The following COL4A2 variants were observed in gnomAD, a reference collection of about 807,000 sequenced individuals.
COL4A2 encodes collagen alpha-2(IV) chain.
Under a neutral mutation model 200.2 loss-of-function variants are expected in COL4A2, and 99 were observed. The ratio of observed to expected loss-of-function variants is 0.49; its 90% CI spans 0.42 to 0.58. The LOEUF (loss-of-function observed/expected upper bound fraction) is 0.58. COL4A2 is among the 20% of genes least tolerant of loss of function. The pLI, the probability that COL4A2 is intolerant of heterozygous loss-of-function variation, is 0.00. For synonymous variants in COL4A2, 897 were observed against 900.6 expected, an observed-to-expected ratio of 1.00 and a Z score of 0.07; for missense variants, 1,950 against 2,314.1, an observed-to-expected ratio of 0.84 and a Z score of 3.23.
chr13:110,335,465 T>C (rs758809170), intron 3 of COL4A2, among the ~76,000 whole-genome samples: 16 of 152,180 alleles, frequency 1.1e-4, no homozygotes, highest in East Asian at 1.9e-4. Flanking sequence ...CTCTCTCTTG[T>C]CTGCCACCAT....
intron 4 of COL4A2, among the ~76,000 whole-genome samples, chr13:110,385,788 G>A (rs200592804): frequency 0.2 from 72 of 352 alleles, 7 homozygotes; most frequent in Admixed American, 0.39. Context: ...GGCCGTGGTT[G>A]CAGTGTGTGG....
At chr13:110,408,808 T>TAC (rs368680031) in intron 4 of COL4A2, among the ~76,000 whole-genome samples, 2,060 of 17,744 alleles carry the variant, frequency 0.12, 33 homozygotes, top group Middle Eastern at 0.23. Context: ...CGCACACATA[T>TAC]ATATACACAC....
At chr13:110,431,716 T>C (rs1880688037) in intron 10 of COL4A2, among the ~76,000 whole-genome samples, 1 of 152,186 alleles carries the variant, frequency 6.6e-6, no homozygotes, top group Non-Finnish European at 1.5e-5. Context: ...TTTTGGTTCT[T>C]CACATGAGCC....
At chr13:110,419,610 C>T (rs2139448452) in intron 4 of COL4A2, among the ~76,000 whole-genome samples, 1 of 152,314 alleles carries the variant, frequency 6.6e-6, no homozygotes, top group Non-Finnish European at 1.5e-5. Context: ...TGTCGGGACC[C>T]TGAGCGCATT....
chr13:110,307,900 C>T lies in COL4A2; in HGVS notation c.-4C>T, dbSNP rs1884836342. 2 of 1,612,294 alleles carry T rather than the reference C, an allele frequency of 1.2e-6. No individual in the cohort carries two copies. Among genetic ancestry groups the T allele is most frequent in the African/African-American group, 1.3e-5 (1 of 75,054 alleles). On this transcript the variant is annotated 5_prime_UTR_variant, in exon 2 of 48. Transcript: ENST00000360467. This position sits in a 1 kb window ranked among gnomAD's most constrained non-coding sequence, Gnocchi z 5.0. The stretch of plus-strand genomic sequence containing the variant: ...CCGGGGCCCAGAGTGGACGAACCGC[C>T]AGCATGGGGAGAGACCAGCGCGCGG...
chr13:110,457,361 A>G lies in COL4A2; in HGVS notation c.1358A>G (p.Lys453Arg). 6.2e-7 allele frequency: 1 copy of G among 1,613,022 alleles called. No individual in the cohort carries two copies. Among genetic ancestry groups the G allele is most frequent in the Non-Finnish European group, 8.5e-7 (1 of 1,179,142 alleles). Reference protein sequence around the residue: ...PGPDGFLFGLKGAKGRAGFPG... With the variant: ...PGPDGFLFGLRGAKGRAGFPG... ...TCTCTAGGCTTCCTGTTTGGGCTGA[A>G]AGGAGCAAAAGGAAGAGCAGGCTTC... The change falls in exon 21 of 48, where the codon AAA (lysine) becomes AGA (arginine). Residue 453 changes from lysine to arginine, a missense_variant. This residue lies in a region of COL4A2 where 1,385 missense variants were observed against 1,720.5 expected (regional missense o/e 0.80). Coordinates refer to ENST00000360467, the MANE Select transcript of COL4A2 (RefSeq NM_001846.4).
intron 10 of COL4A2, among the ~76,000 whole-genome samples, chr13:110,431,423 G>A (rs1474379981): frequency 1.3e-5 from 2 of 152,096 alleles, no homozygotes; most frequent in Non-Finnish European, 2.9e-5. Context: ...ATTCTCTTCA[G>A]ATTATAATAA....
At position 110,478,042 on chromosome 13, in the gene COL4A2, A is replaced by C; in HGVS notation, c.2465A>C (p.Gln822Pro). 1 of 1,592,504 alleles carries C rather than the reference A, an allele frequency of 6.3e-7. No individual in the cohort carries two copies. ...GMPGMPGLKG[Q>P]PGLPGPSGQP... ...CCTGGGATGCCAGGGCTGAAGGGCCAGCCAGGCCTCCCAGGACCTTCCGGC... is the reference window on the plus strand; with the variant it reads ...CCTGGGATGCCAGGGCTGAAGGGCCCGCCAGGCCTCCCAGGACCTTCCGGC... The change falls in exon 30 of 48, where the codon CAG (glutamine) becomes CCG (proline). Residue 822 changes from glutamine (Q) to proline (P), a missense_variant. By Grantham distance (76) the Gln-to-Pro change is moderately conservative. Coordinates refer to ENST00000360467, the MANE Select transcript of COL4A2 (RefSeq NM_001846.4).
At chr13:110,447,574 T>C (rs1003458149) in intron 18 of COL4A2, among the ~76,000 whole-genome samples, 5 of 152,092 alleles carry the variant, frequency 3.3e-5, no homozygotes, top group East Asian at 3.9e-4. Flanking sequence ...AAAAAAAAAA[T>C]GTTTCGAGAA....
Position 110,506,594 on chromosome 13 carries a change from A to C in COL4A2, c.4582A>C (p.Asn1528His). ...LYFEGQEKAHNQDLGLAGSCL... is the reference protein window; with the variant it reads ...LYFEGQEKAHHQDLGLAGSCL... ...CTTCGAGGGCCAGGAGAAGGCGCAC[A>C]ACCAGGACCTGGGTAGGTACCTCCC... Residue 1528 changes from asparagine (N) to histidine (H), a missense_variant, in exon 46 of 48, where the codon AAC (asparagine) becomes CAC (histidine). Transcript: ENST00000360467. 1 of 1,610,998 alleles carries C rather than the reference A, an allele frequency of 6.2e-7. No individual in the cohort carries two copies. Among genetic ancestry groups the C allele is most frequent in the Non-Finnish European group, 8.5e-7 (1 of 1,178,528 alleles).
At chr13:110,405,205 A>C (rs1879517540) in intron 4 of COL4A2, among the ~76,000 whole-genome samples, 1 of 152,232 alleles carries the variant, frequency 6.6e-6, no homozygotes, top group Non-Finnish European at 1.5e-5. Flanking sequence ...GGCTACAGAG[A>C]AACGTTTTAG....
In COL4A2 at chr13:110,457,738, C is replaced by T. The variant is rs1321890998; in HGVS notation, c.1432+303C>T. 2.2e-5 allele frequency: 12 copies of T among 539,702 alleles called. No individual in the cohort carries two copies. In the Admixed American group the frequency reaches 2.7e-4, roughly 12 times the overall value. The allele number at this position is 539,702 out of a possible 1,614,324, so 33.4% of individuals were successfully genotyped here. On this transcript the variant is annotated intron_variant, in intron 21 of 47. Transcript: ENST00000360467. ...TCCTGTGCTGGGTTAAAAGGGAAAA[C>T]AGTTATTTCTTAGGCTGCACTCAGG...
intron 3 of COL4A2, among the ~76,000 whole-genome samples, chr13:110,356,316 A>C (rs561290904): frequency 7.9e-4 from 120 of 152,294 alleles, no homozygotes; most frequent in African/African-American, 2.8e-3. Flanking sequence ...CTTACTGAGC[A>C]TAAGTGTGTC....
At chr13:110,439,879 C>G in intron 16 of COL4A2, 46 bp downstream of exon 16, 1 of 1,597,630 alleles carries the variant, frequency 6.3e-7, no homozygotes, top group African/African-American at 1.4e-5. Flanking sequence ...CCCACGACAT[C>G]CCACAGAGGT....
At chr13:110,351,032 G>C (rs1876933078) in intron 3 of COL4A2, among the ~76,000 whole-genome samples, 1 of 151,928 alleles carries the variant, frequency 6.6e-6, no homozygotes, top group Non-Finnish European at 1.5e-5. Context: ...TCTCTCTCTT[G>C]TTTCTTTCTT....
At chr13:110,377,230 AC>A (rs1316529299) in intron 4 of COL4A2, among the ~76,000 whole-genome samples, 1 of 152,078 alleles carries the variant, frequency 6.6e-6, no homozygotes. Context: ...CTTGGTTAGG[AC>A]ATCTGCATTC....
chr13:110,384,388 T>C lies in COL4A2; in HGVS notation c.180+26836T>C, dbSNP rs546101123. Among the ~76,000 whole-genome samples the C allele has an allele frequency of 2.0e-5, 3 of 152,304 alleles. No homozygotes were observed. The East Asian group carries it at 5.8e-4, about 29-fold the overall frequency. On this transcript the variant is annotated intron_variant, in intron 4 of 47. Coordinates refer to ENST00000360467, the MANE Select transcript of COL4A2 (RefSeq NM_001846.4). ...CTCCTTAAGTATCCAATTCTATGAT[T>C]CGGTGTGAAGCATTATCACACTTGT...
intron 16 of COL4A2, among the ~76,000 whole-genome samples, chr13:110,441,925 C>CAAAA (rs111531805): frequency 2.3e-5 from 3 of 129,412 alleles, no homozygotes; most frequent in African/African-American, 8.6e-5. Flanking sequence ...ACTAAAAATA[C>CAAAA]AAAAAAAAAA....
chr13:110,462,007 C>T (rs1230065447), intron 22 of COL4A2, 107 bp from the exon 23 acceptor site: 16 of 1,509,674 alleles, frequency 1.1e-5, no homozygotes, highest in South Asian at 6.3e-5. Context: ...GGTTTGGTGA[C>T]GGGTGACTGC....
Sources: gnomAD v4.1 joint callset for allele counts (sites outside exome capture counted in the v4.1 genomes callset) on GRCh38, gnomAD v4.1.1 for gene constraint, gnomAD v4.1.1 regional missense constraint, Gnocchi (gnomAD v3.1) non-coding constraint, MANE v1.5 for transcripts, NCBI Gene and HGNC (gene_info 2026-07-23, HGNC 2026-07-21) for gene names.